The following SH2D4A variants were observed in gnomAD, a reference collection of about 807,000 sequenced individuals.
SH2D4A encodes SH2 domain-containing protein 4A.
In SH2D4A, 70 loss-of-function variants were observed where a neutral mutation model predicts 64.7. The observed-to-expected ratio is 1.08, with a 90% CI of 0.89 to 1.32. SH2D4A has a LOEUF of 1.32. Ranked by LOEUF, SH2D4A falls within the 40% of genes most tolerant of loss-of-function variation. The pLI is 0.00. For missense variants in SH2D4A, 706 were observed against 540.1 expected (o/e 1.31, Z -3.04); for synonymous variants, 268 against 200.7 (o/e 1.34, Z -2.83).
Position 19,373,665 on chromosome 8 carries a change from G to C in SH2D4A, c.1048+5G>C. On this transcript the variant is annotated splice_donor_5th_base_variant and intron_variant, in intron 8 of 9. Coordinates refer to ENST00000265807, the MANE Select transcript of SH2D4A (RefSeq NM_022071.4). Reference sequence around the variant, plus strand: ...CCATAGCCCCCTGGTTCCATGGTGAGTGCAGAGATTTCCTCAATGGTGTTT... The same window carrying C: ...CCATAGCCCCCTGGTTCCATGGTGACTGCAGAGATTTCCTCAATGGTGTTT... 6.2e-7 allele frequency: 1 copy of C among 1,612,652 alleles called. No individual in the cohort carries two copies. The highest frequency in any genetic ancestry group is 8.5e-7 in the Non-Finnish European group (1 of 1,179,248).
At chr8:19,319,275 TA>T in intron 1 of SH2D4A, 68 bp from the exon 2 acceptor site, 1 of 1,088,642 alleles carries the variant, frequency 9.2e-7, no homozygotes, top group Non-Finnish European at 1.1e-6. Context: ...CTTTTTTTTT[TA>T]AACCCGTCCT....
intron 8 of SH2D4A, among the ~76,000 whole-genome samples, chr8:19,392,865 C>T (rs1013813613): frequency 6.6e-6 from 1 of 152,048 alleles, no homozygotes; most frequent in Admixed American, 6.6e-5. Flanking sequence ...CCTCAGCCTC[C>T]TGAGTAGCTG....
At chr8:19,364,408 T>C (rs1023947361) in intron 7 of SH2D4A, 126 bp downstream of exon 7, 1 of 1,012,070 alleles carries the variant, frequency 9.9e-7, no homozygotes, top group African/African-American at 1.6e-5. Context: ...CCTGTGTAAG[T>C]AGCTCAGGTT....
rs144545437 is a variant in SH2D4A at position 19,340,320 on chromosome 8, G to A, written c.513+5463G>A. Among the ~76,000 whole-genome samples the A allele has an allele frequency of 4.7e-3, 720 of 152,270 alleles. 3 individuals are homozygous for A. Among genetic ancestry groups the A allele is most frequent in the African/African-American group, 0.016 (670 of 41,568 alleles). Reference sequence around the variant, plus strand: ...TCAGGAACAATTGGAAATTGTCAGTGATTATCGAGCAAAGGGTTGAGCTGA... The same window carrying A: ...TCAGGAACAATTGGAAATTGTCAGTAATTATCGAGCAAAGGGTTGAGCTGA... On this transcript the variant is annotated intron_variant, in intron 4 of 9. Coordinates refer to ENST00000265807, the MANE Select transcript of SH2D4A (RefSeq NM_022071.4).
intron 4 of SH2D4A, among the ~76,000 whole-genome samples, chr8:19,353,514 G>A (rs2052739844): frequency 6.6e-6 from 1 of 151,608 alleles, no homozygotes; most frequent in Non-Finnish European, 1.5e-5. Context: ...GACTCCAGGT[G>A]CGCATCATCA....
chr8:19,317,442 C>T (rs1194497447), intron 1 of SH2D4A, among the ~76,000 whole-genome samples: 1 of 151,118 alleles, frequency 6.6e-6, no homozygotes, highest in East Asian at 1.9e-4. Context: ...TGTTTGGTTC[C>T]ATTTGGATTC....
intron 4 of SH2D4A, among the ~76,000 whole-genome samples, chr8:19,354,812 A>T (rs10088460): frequency 6.6e-6 from 1 of 152,018 alleles, no homozygotes; most frequent in Non-Finnish European, 1.5e-5. Context: ...ACTTTTGAAT[A>T]CATGGATTAG....
Position 19,333,108 on chromosome 8 carries a change from A to G in SH2D4A, c.335A>G (p.Glu112Gly), listed in dbSNP as rs746498879. The G allele has an allele frequency of 1.2e-6, 2 of 1,609,762 alleles. No individual in the cohort carries two copies. Among genetic ancestry groups the G allele is most frequent in the Non-Finnish European group, 1.7e-6 (2 of 1,178,994 alleles). ...ARLKAEQEAE[E>G]PRKTHSEEFT... ...CTGAAAGCAGAACAGGAGGCAGAAG[A>G]GCCCAGGTATGAGATCTGCAAACCA... is the stretch of plus-strand genomic sequence containing the variant. Residue 112 changes from glutamate to glycine, a missense_variant, in exon 3 of 10, where the codon GAG becomes GGG. Glu to Gly is a moderately conservative substitution (Grantham distance 98). Transcript: ENST00000265807.
Position 19,332,993 on chromosome 8 carries a change from A to G in SH2D4A, c.220A>G (p.Lys74Glu). The G allele has an allele frequency of 6.2e-7, 1 of 1,613,738 alleles. No homozygotes were observed. The highest frequency in any genetic ancestry group is 8.5e-7 in the Non-Finnish European group (1 of 1,179,930). ...GGTTCATTGGAAACTTGGAGCTGAT[A>G]AGGAAGTCTGGGTATGGGTGATGGG... is the stretch of plus-strand genomic sequence containing the variant. ...KSVHWKLGAD[K>E]EVWVWVMGEH... The change falls in exon 3 of 10, where the codon AAG becomes GAG. Residue 74 changes from lysine to glutamate, a missense_variant. Lys to Glu is a moderately conservative substitution (Grantham distance 56). Transcript: ENST00000265807.
rs2053573994 is a variant in SH2D4A at position 19,395,508 on chromosome 8, A to G, written c.*866A>G. ...TTGTTTGGAAATAGGGTCTTTGCAG[A>G]TATAGTCAAGATGAGGTCACATTGG... On this transcript the variant is annotated 3_prime_UTR_variant, in exon 10 of 10. Coordinates refer to ENST00000265807, the MANE Select transcript of SH2D4A (RefSeq NM_022071.4). 6.6e-6 allele frequency: 1 copy of G among 152,214 alleles called. No individual in the cohort carries two copies. The highest frequency in any genetic ancestry group is 2.4e-5 in the African/African-American group (1 of 41,452). The allele number at this position is 152,214 out of a possible 1,614,324, so 9.4% of individuals were successfully genotyped here.
chr8:19,394,626 T>G lies in SH2D4A; in HGVS notation c.1349T>G (p.Leu450Arg). 6.2e-7 allele frequency: 1 copy of G among 1,608,520 alleles called. No individual in the cohort carries two copies. Among genetic ancestry groups the G allele is most frequent in the Non-Finnish European group, 8.5e-7 (1 of 1,176,300 alleles). Residue 450 changes from leucine (L) to arginine (R), a missense_variant, in exon 10 of 10, where the codon CTG (leucine) becomes CGG (arginine). Transcript: ENST00000265807. The part of the protein sequence containing the change: ...CGQQDQLPDY[L>R]ELFE ...CAGCAGGACCAGCTGCCTGACTACC[T>G]GGAGCTGTTTGAGTGACAGCCTCCA...
chr8:19,377,099 G>A (rs1442478888), intron 8 of SH2D4A, among the ~76,000 whole-genome samples: 1 of 152,122 alleles, frequency 6.6e-6, no homozygotes, highest in African/African-American at 2.4e-5. Context: ...AAACTTGCCA[G>A]GGCGGGCATG....
At chr8:19,353,992 ATTTT>A (rs56334713) in intron 4 of SH2D4A, among the ~76,000 whole-genome samples, 17,400 of 133,618 alleles carry the variant, frequency 0.13, 1,014 homozygotes, top group Middle Eastern at 0.19. Context: ...TTTTCAACTA[ATTTT>A]TTTTTTTTTT....
intron 2 of SH2D4A, among the ~76,000 whole-genome samples, chr8:19,322,115 A>G (rs1410929646): frequency 6.6e-6 from 1 of 152,212 alleles, no homozygotes; most frequent in Non-Finnish European, 1.5e-5. Flanking sequence ...TCTTCTGACT[A>G]CAGAAAGGGA....
chr8:19,384,308 G>C (rs556885905), intron 8 of SH2D4A, among the ~76,000 whole-genome samples: 8 of 152,282 alleles, frequency 5.3e-5, no homozygotes, highest in African/African-American at 1.9e-4. Context: ...TTGGGTTTGG[G>C]AGGGATGGTG....
chr8:19,353,368 G>GT (rs71545549), intron 4 of SH2D4A, among the ~76,000 whole-genome samples: 1,568 of 131,336 alleles, frequency 0.012, 16 homozygotes, highest in African/African-American at 0.027. Flanking sequence ...TAATCATCTA[G>GT]TTTTTTTTTT....
intron 4 of SH2D4A, among the ~76,000 whole-genome samples, chr8:19,343,631 G>A (rs751523414): frequency 7.9e-5 from 12 of 152,172 alleles, no homozygotes; most frequent in South Asian, 2.1e-4. Flanking sequence ...CTGTGTGACC[G>A]TCTCCTACCC....
chr8:19,336,098 G>C (rs138063700), intron 4 of SH2D4A, among the ~76,000 whole-genome samples: 271 of 152,280 alleles, frequency 1.8e-3, no homozygotes, highest in South Asian at 3.5e-3. Flanking sequence ...ACACTGCTGA[G>C]TGTCTCATGT....
intron 4 of SH2D4A, among the ~76,000 whole-genome samples, chr8:19,352,527 G>A (rs1282003902): frequency 6.6e-6 from 1 of 152,216 alleles, no homozygotes; most frequent in Admixed American, 6.5e-5. Context: ...AGATAAGATT[G>A]CTTTAACTCT....
Sources: gnomAD v4.1 joint callset for allele counts (sites outside exome capture counted in the v4.1 genomes callset) on GRCh38, gnomAD v4.1.1 for gene constraint, MANE v1.5 for transcripts, NCBI Gene and HGNC (gene_info 2026-07-23, HGNC 2026-07-21) for gene names.